Variants in ZNF761 observed in about 807,000 individuals in gnomAD.
ZNF761 encodes the protein zinc finger protein 761.
A neutral mutation model predicts 59.9 loss-of-function variants in ZNF761; 43 were observed. The observed-to-expected ratio is 0.72, with a 90% CI of 0.56 to 0.92. The LOEUF is 0.92. ZNF761 is among the 40% of genes least tolerant of loss of function. ZNF761 has a pLI of 0.00. For missense variants in ZNF761, 850 were observed against 906.1 expected, an observed-to-expected ratio of 0.94 and a Z score of 0.79; for synonymous variants, 294 against 304.8, an observed-to-expected ratio of 0.96 and a Z score of 0.37.
chr19:53,454,552 T>C, intron 4 of ZNF761, 98 bp from the exon 5 acceptor site: 1 of 1,327,960 alleles, frequency 7.5e-7, no homozygotes, highest in Admixed American at 2.7e-5. Context: ...GTTTGGAAAG[T>C]TTAAAATAAC....
intron 1 of ZNF761, among the ~76,000 whole-genome samples, chr19:53,435,937 G>A (rs1354422678): frequency 1.2e-4 from 18 of 152,188 alleles, no homozygotes; most frequent in Non-Finnish European, 8.8e-5. Flanking sequence ...AGCTTCGGCC[G>A]TGCGTAGACT....
chr19:53,434,591 A>G (rs142224792), intron 1 of ZNF761, among the ~76,000 whole-genome samples: 2,066 of 152,240 alleles, frequency 0.014, 60 homozygotes, highest in African/African-American at 0.047. Flanking sequence ...GTTTTATTAT[A>G]ATATTGCTGT....
At chr19:53,437,603 T>A (rs1163841906) in intron 1 of ZNF761, among the ~76,000 whole-genome samples, 1 of 152,162 alleles carries the variant, frequency 6.6e-6, no homozygotes, top group Admixed American at 6.5e-5. Context: ...CATTGCTGCC[T>A]GCTTTGCCTC....
Position 53,457,306 on chromosome 19 carries a change from A to T in ZNF761, c.*558A>T. On this transcript the variant is annotated 3_prime_UTR_variant, in exon 5 of 5. Coordinates refer to ENST00000684525, the MANE Select transcript of ZNF761 (RefSeq NM_001289951.2). The stretch of plus-strand genomic sequence containing the variant: ...TACCTTGCAGTTCATCGGTGAACTC[A>T]ACGCTGGAGAGAAACCTTACAAATG... The T allele has an allele frequency of 2.6e-6, 1 of 390,816 alleles. No individual in the cohort carries two copies. The highest frequency in any genetic ancestry group is 5.2e-6 in the Non-Finnish European group (1 of 192,668). 24.2% of individuals were successfully genotyped at this position (390,816 alleles called of 1,614,324 possible).
Position 53,456,731 on chromosome 19 carries a change from G to A in ZNF761, c.2224G>A (p.Gly742Arg). 6.2e-7 allele frequency: 1 copy of A among 1,613,734 alleles called. No homozygotes were observed. Among genetic ancestry groups the A allele is most frequent in the Non-Finnish European group, 8.5e-7 (1 of 1,179,776 alleles). ...TACATGCCATCGTAGACTTCATACTGGAGAAAAACAAGTGTAATGAATGTG... is the reference window on the plus strand; with the variant it reads ...TACATGCCATCGTAGACTTCATACTAGAGAAAAACAAGTGTAATGAATGTG... ...NLTCHRRLHTGEKQV is the reference protein window; with the variant it reads ...NLTCHRRLHTREKQV Residue 742 changes from glycine (G) to arginine (R), a missense_variant, in exon 5 of 5, where the codon GGA becomes AGA. Coordinates refer to ENST00000684525, the MANE Select transcript of ZNF761 (RefSeq NM_001289951.2).
rs114572468 is a variant in ZNF761 at position 53,435,013 on chromosome 19, C to T, written c.-185+2985C>T. Among the ~76,000 whole-genome samples the T allele has an allele frequency of 1.6e-3, 250 of 151,774 alleles. 3 individuals are homozygous for T. The highest frequency in any genetic ancestry group is 5.6e-3 in the African/African-American group (233 of 41,374). On this transcript the variant is annotated intron_variant, in intron 1 of 4. Transcript: ENST00000684525. ...TGCTGGGTAGGTGTGTGTGGAGACA[C>T]GTATGGGGTAACCTGCAGTCCGCAT...
intron 1 of ZNF761, among the ~76,000 whole-genome samples, chr19:53,433,383 C>CT (rs569786564): frequency 1.4e-3 from 204 of 144,460 alleles, no homozygotes; most frequent in Admixed American, 1.6e-3. Context: ...CACATTTGTC[C>CT]TTTTTTTTTT....
chr19:53,433,167 A>G (rs569837442), intron 1 of ZNF761, among the ~76,000 whole-genome samples: 42 of 151,376 alleles, frequency 2.8e-4, no homozygotes, highest in East Asian at 1.7e-3. Flanking sequence ...TTTATTTAAG[A>G]TACGCACCGG....
At position 53,449,815 on chromosome 19, in the gene ZNF761, C is replaced by A. The variant is rs111490804; in HGVS notation, c.142+177C>A. On this transcript the variant is annotated intron_variant, in intron 4 of 4. Coordinates refer to ENST00000684525, the MANE Select transcript of ZNF761 (RefSeq NM_001289951.2). ...GTGATTGTCCCACCTCAGCCTCCCC[C>A]GGTAGCTGGTACAGGTGCATGCCAC... The A allele has an allele frequency of 7.1e-6, 10 of 1,409,802 alleles. No individual in the cohort carries two copies. The Middle Eastern group carries it at 1.6e-3, about 231-fold the overall frequency. 87.3% of individuals were successfully genotyped at this position (1,409,802 alleles called of 1,614,324 possible). A position where few individuals can be genotyped will look rare whatever the true frequency, so the allele number is the denominator to read the frequency against.
At chr19:53,442,409 C>G (rs2086110442) in intron 1 of ZNF761, 5 of 939,566 alleles carry the variant, frequency 5.3e-6, no homozygotes, top group South Asian at 5.1e-5. Context: ...AAAAAGAAGA[C>G]AAATGTGAGG....
At chr19:53,453,601 T>A (rs1230570944) in intron 4 of ZNF761, among the ~76,000 whole-genome samples, 2 of 152,192 alleles carry the variant, frequency 1.3e-5, no homozygotes, top group African/African-American at 4.8e-5. Flanking sequence ...TGCCACCAGA[T>A]GCTGTGGCTC....
chr19:53,456,714 A>G lies in ZNF761; in HGVS notation c.2207A>G (p.His736Arg), dbSNP rs2086276186. ...TFSQKSNLTC[H>R]RRLHTGEKQV is the part of the protein sequence containing the mutation. The stretch of plus-strand genomic sequence containing the variant: ...AGTCAGAAGTCAAACCTTACATGCC[A>G]TCGTAGACTTCATACTGGAGAAAAA... Residue 736 changes from histidine (H) to arginine (R), a missense_variant, in exon 5 of 5, where the codon CAT becomes CGT. Transcript: ENST00000684525. 1 of 1,613,910 alleles carries G rather than the reference A, an allele frequency of 6.2e-7. No individual in the cohort carries two copies. Among genetic ancestry groups the G allele is most frequent in the Non-Finnish European group, 8.5e-7 (1 of 1,179,890 alleles).
In ZNF761 at chr19:53,453,538, C is replaced by T. The variant is rs553821744; in HGVS notation, c.143-1112C>T. Reference sequence around the variant, plus strand: ...TTTTATGATTGTACATGAGGCTTTTCGGTATGTGGTATGCAATATAACTGA... The same window carrying T: ...TTTTATGATTGTACATGAGGCTTTTTGGTATGTGGTATGCAATATAACTGA... On this transcript the variant is annotated intron_variant, in intron 4 of 4. Coordinates refer to ENST00000684525, the MANE Select transcript of ZNF761 (RefSeq NM_001289951.2). 7.2e-5 allele frequency among the ~76,000 whole-genome samples: 11 copies of T among 152,190 alleles called. No individual in the cohort carries two copies. In the South Asian group the frequency reaches 1.2e-3, roughly 17 times the overall value.
intron 1 of ZNF761, among the ~76,000 whole-genome samples, chr19:53,432,320 G>A (rs1396792247): frequency 6.6e-6 from 1 of 152,172 alleles, no homozygotes; most frequent in African/African-American, 2.4e-5. Context: ...GCTTTTTAAA[G>A]TCCTCACCTG....
Position 53,449,526 on chromosome 19 carries a change from C to T in ZNF761, c.30C>T (p.Phe10=), listed in dbSNP as rs765689231. The T allele has an allele frequency of 2.5e-6, 4 of 1,613,968 alleles. No individual in the cohort carries two copies. The highest frequency in any genetic ancestry group is 2.5e-6 in the Non-Finnish European group (3 of 1,180,004). MAFSQGLLT[F]RDVAIEFSQE... ...TTTCATTTCAGGGTCTATTGACATT[C>T]AGGGATGTGGCCATAGAATTCTCTC... The change falls in exon 4 of 5, where the codon TTC becomes TTT. Residue 10 remains phenylalanine, a synonymous_variant. Coordinates refer to ENST00000684525, the MANE Select transcript of ZNF761 (RefSeq NM_001289951.2).
At chr19:53,451,166 A>G (rs1208920938) in intron 4 of ZNF761, among the ~76,000 whole-genome samples, 4 of 152,240 alleles carry the variant, frequency 2.6e-5, no homozygotes, top group Non-Finnish European at 5.9e-5. Flanking sequence ...AAGAAAAGGT[A>G]CACTTATAAC....
At chr19:53,436,765 T>A (rs2086046460) in intron 1 of ZNF761, among the ~76,000 whole-genome samples, 1 of 152,204 alleles carries the variant, frequency 6.6e-6, no homozygotes, top group Non-Finnish European at 1.5e-5. Context: ...ATCAGTACTT[T>A]AGTCACTTCT....
At position 53,437,963 on chromosome 19, in the gene ZNF761, A is replaced by G. The variant is rs1174722222; in HGVS notation, c.-185+5935A>G. ...ACTGAGTCTGATGTTACCACTGTAT[A>G]CCTGGCATGTCCAAACTCTTCCAGC... On this transcript the variant is annotated intron_variant, in intron 1 of 4. Coordinates refer to ENST00000684525, the MANE Select transcript of ZNF761 (RefSeq NM_001289951.2). Among the ~76,000 whole-genome samples the G allele has an allele frequency of 2.4e-5, 3 of 124,118 alleles. 1 individual carries two copies. The highest frequency in any genetic ancestry group is 5.4e-5 in the Non-Finnish European group (3 of 55,238). 81.4% of individuals were successfully genotyped at this position (124,118 alleles called of 152,430 possible). A position where few individuals can be genotyped will look rare whatever the true frequency, so the allele number is the denominator to read the frequency against.
At chr19:53,448,893 C>T (rs1192003179) in intron 3 of ZNF761, among the ~76,000 whole-genome samples, 3 of 152,010 alleles carry the variant, frequency 2.0e-5, no homozygotes, top group Non-Finnish European at 2.9e-5. Flanking sequence ...CTGCATCAGC[C>T]TCCCATGTAG....
Sources: gnomAD v4.1 joint callset for allele counts (sites outside exome capture counted in the v4.1 genomes callset) on GRCh38, gnomAD v4.1.1 for gene constraint, MANE v1.5 for transcripts, NCBI Gene and HGNC (gene_info 2026-07-23, HGNC 2026-07-21) for gene names.